The following CMIP variants were observed in gnomAD, a reference collection of about 807,000 sequenced individuals.
CMIP encodes the protein c-Maf inducing protein, also known as C-Maf-inducing protein.
A neutral mutation model predicts 97.3 loss-of-function variants in CMIP; 13 were observed. The observed-to-expected ratio is 0.13, with a 90% CI of 0.09 to 0.21. CMIP has a LOEUF of 0.21. Ranked by LOEUF, CMIP falls within the 10% of genes least tolerant of loss-of-function variation. CMIP has a pLI of 1.00. For synonymous variants in CMIP, 538 were observed against 436.3 expected, an observed-to-expected ratio of 1.23 and a Z score of -2.91; for missense variants, 847 against 1,024.9, an observed-to-expected ratio of 0.83 and a Z score of 2.37.
chr16:81,568,217 G>A, intron 1 of CMIP, among the ~76,000 whole-genome samples: 1 of 152,118 alleles, frequency 6.6e-6, no homozygotes, highest in East Asian at 1.9e-4. Flanking sequence ...CCTTTTCATT[G>A]CAACTCCAGG....
Position 81,445,482 on chromosome 16 carries a change from C to G in CMIP, c.241C>G (p.Leu81Val). 1 of 1,559,276 alleles carries G rather than the reference C, an allele frequency of 6.4e-7. No individual in the cohort carries two copies. Among genetic ancestry groups the G allele is most frequent in the Non-Finnish European group, 8.7e-7 (1 of 1,151,740 alleles). The stretch of plus-strand genomic sequence containing the variant: ...CAGCAAGATCCTCACCTCGAAATTC[C>G]TGAGGCGCTGGGAGCCGCACCACCT... ...FLSKILTSKF[L>V]RRWEPHHLTL... The change falls in exon 1 of 21, where the codon CTG becomes GTG. Residue 81 changes from leucine (L) to valine (V), a missense_variant. Coordinates refer to ENST00000537098, the MANE Select transcript of CMIP (RefSeq NM_198390.3).
intron 10 of CMIP, among the ~76,000 whole-genome samples, chr16:81,680,869 C>T (rs1371350383): frequency 6.6e-6 from 1 of 152,238 alleles, no homozygotes; most frequent in Non-Finnish European, 1.5e-5. Flanking sequence ...GCTCCTGGGC[C>T]TTCTGGTATT....
chr16:81,615,028 G>A (rs1378975109), intron 2 of CMIP, among the ~76,000 whole-genome samples: 1 of 136,436 alleles, frequency 7.3e-6, no homozygotes, highest in Non-Finnish European at 1.6e-5. Context: ...TGTGTATATG[G>A]TGTACGTGCA....
chr16:81,579,932 C>G (rs1346425508), intron 1 of CMIP, among the ~76,000 whole-genome samples: 2 of 152,116 alleles, frequency 1.3e-5, no homozygotes, highest in Non-Finnish European at 2.9e-5. Context: ...CTCCAGCCCG[C>G]CTGGGCGACA....
chr16:81,503,968 A>G (rs929109587), intron 1 of CMIP, among the ~76,000 whole-genome samples: 1 of 152,204 alleles, frequency 6.6e-6, no homozygotes. Context: ...TCACATGCCA[A>G]CTGTCATTTT....
chr16:81,666,377 C>G (rs2151028732), intron 7 of CMIP: 1 of 152,242 alleles, frequency 6.6e-6, no homozygotes, highest in Non-Finnish European at 1.5e-5. Context: ...AGTCAATAAA[C>G]CGTTTCATAA....
At chr16:81,482,842 C>G (rs1428724443) in intron 1 of CMIP, among the ~76,000 whole-genome samples, 1 of 152,244 alleles carries the variant, frequency 6.6e-6, no homozygotes, top group Non-Finnish European at 1.5e-5. Flanking sequence ...TAGGGCCTGA[C>G]TCACAGGGTC....
At chr16:81,475,073 C>G (rs1469802457) in intron 1 of CMIP, among the ~76,000 whole-genome samples, 1 of 152,186 alleles carries the variant, frequency 6.6e-6, no homozygotes, top group East Asian at 1.9e-4. Flanking sequence ...GTCAGCATGG[C>G]TGGCCCTCTG....
At chr16:81,573,239 G>C (rs762433583) in intron 1 of CMIP, among the ~76,000 whole-genome samples, 1 of 152,134 alleles carries the variant, frequency 6.6e-6, no homozygotes, top group Non-Finnish European at 1.5e-5. Context: ...AACTGTTCGG[G>C]AGGGTGAGTC....
intron 2 of CMIP, among the ~76,000 whole-genome samples, chr16:81,612,343 C>G (rs2091845270): frequency 6.6e-6 from 1 of 152,130 alleles, no homozygotes; most frequent in South Asian, 2.1e-4. Context: ...GGGATGGGTT[C>G]CGGGACTCGG....
At chr16:81,505,113 T>C (rs1198765584) in intron 1 of CMIP, among the ~76,000 whole-genome samples, 1 of 152,242 alleles carries the variant, frequency 6.6e-6, no homozygotes, top group Non-Finnish European at 1.5e-5. Flanking sequence ...GATCGTGCAG[T>C]GACCCAGCCG....
At chr16:81,471,251 T>C (rs775099548) in intron 1 of CMIP, among the ~76,000 whole-genome samples, 5 of 152,000 alleles carry the variant, frequency 3.3e-5, no homozygotes, top group Admixed American at 6.5e-5. Context: ...GAAATACATA[T>C]ACACATACCA....
At chr16:81,658,662 C>T (rs376501231) in intron 5 of CMIP, among the ~76,000 whole-genome samples, 2 of 152,182 alleles carry the variant, frequency 1.3e-5, no homozygotes, top group Admixed American at 6.5e-5. Flanking sequence ...TTTAAAGCAA[C>T]GTAGTGTGTT....
chr16:81,471,053 C>T (rs2150746463), intron 1 of CMIP, among the ~76,000 whole-genome samples: 1 of 152,256 alleles, frequency 6.6e-6, no homozygotes, highest in Admixed American at 6.5e-5. Flanking sequence ...CACACAGGCA[C>T]AATGCGTGCA....
Position 81,709,891 on chromosome 16 carries a change from C to G in CMIP, c.*92C>G, listed in dbSNP as rs1221062987. On this transcript the variant is annotated 3_prime_UTR_variant, in exon 21 of 21. Coordinates refer to ENST00000537098, the MANE Select transcript of CMIP (RefSeq NM_198390.3). ...GAGCAGCCGGTCCTGGGGTCCCACC[C>G]TGGTGCCCTGGCTGTGAGATAGATG... 2 of 1,016,262 alleles carry G rather than the reference C, an allele frequency of 2.0e-6. No individual in the cohort carries two copies. Among genetic ancestry groups the G allele is most frequent in the Non-Finnish European group, 2.6e-6 (2 of 756,720 alleles). The allele number at this position is 1,016,262 out of a possible 1,614,324, so 63.0% of individuals were successfully genotyped here.
At chr16:81,615,469 G>A (rs1414828879) in intron 2 of CMIP, among the ~76,000 whole-genome samples, 1 of 143,720 alleles carries the variant, frequency 7.0e-6, no homozygotes, top group African/African-American at 2.6e-5. Context: ...TGGTGTATGT[G>A]TATTTGTGTG....
At chr16:81,649,730 C>A (rs925912023) in intron 3 of CMIP, among the ~76,000 whole-genome samples, 6 of 152,334 alleles carry the variant, frequency 3.9e-5, no homozygotes, top group Non-Finnish European at 8.8e-5. Flanking sequence ...GAAGAGTCCA[C>A]TTAGAGCCCA....
chr16:81,447,748 TAAGTCTTA>T (rs1905950116), intron 1 of CMIP, among the ~76,000 whole-genome samples: 2 of 152,222 alleles, frequency 1.3e-5, no homozygotes, highest in South Asian at 4.1e-4. Context: ...GGGGTGTCCT[TAAGTCTTA>T]CCCTTGCCCT....
chr16:81,557,657 C>T (rs1464657253), intron 1 of CMIP, among the ~76,000 whole-genome samples: 2 of 152,090 alleles, frequency 1.3e-5, no homozygotes, highest in African/African-American at 2.4e-5. Context: ...CATCTGTGGT[C>T]CCCGCTACTC....
Sources: gnomAD v4.1 joint callset for allele counts (sites outside exome capture counted in the v4.1 genomes callset) on GRCh38, gnomAD v4.1.1 for gene constraint, MANE v1.5 for transcripts, NCBI Gene and HGNC (gene_info 2026-07-23, HGNC 2026-07-21) for gene names.